The following PLAC1 variants were observed in gnomAD, a reference collection of about 807,000 sequenced individuals.
The protein encoded by PLAC1 is placenta-specific protein 1.
For synonymous variants in PLAC1, 68 were observed against 62.1 expected, an observed-to-expected ratio of 1.09 and a Z score of -0.44; for missense variants, 136 against 163.2, an observed-to-expected ratio of 0.83 and a Z score of 0.91.
intron 1 of PLAC1, among the ~76,000 whole-genome samples, chrX:134,744,159 G>A (rs1352247832): frequency 9.1e-6 from 1 of 110,007 alleles, no homozygotes; most frequent in African/African-American, 3.3e-5. Context: ...GCACATGCCT[G>A]TAATCCCAGC....
chrX:134,600,415 C>A (rs2078082927), intron 2 of PLAC1, among the ~76,000 whole-genome samples: 1 of 112,033 alleles, frequency 8.9e-6, no homozygotes, highest in Admixed American at 9.5e-5. Flanking sequence ...GAGCCACCCA[C>A]CTTGGCCTCC....
At chrX:134,589,971 G>A (rs774982706) in intron 2 of PLAC1, among the ~76,000 whole-genome samples, 11 of 110,347 alleles carry the variant, frequency 1.0e-4, no homozygotes, top group South Asian at 3.9e-4. Context: ...CAAGGTGGGC[G>A]GATCACAAGG....
chrX:134,734,439 G>T (rs1157672812), intron 1 of PLAC1, among the ~76,000 whole-genome samples: 1 of 112,445 alleles, frequency 8.9e-6, no homozygotes, highest in East Asian at 2.8e-4. Context: ...TTAAAATGCA[G>T]GCTTAGTCCC....
chrX:134,760,820 C>T (rs955605624), intron 1 of PLAC1, among the ~76,000 whole-genome samples: 3 of 111,317 alleles, frequency 2.7e-5, no homozygotes, highest in East Asian at 2.8e-4. Context: ...AAGACAGTTA[C>T]GTTGTGCCAG....
chrX:134,761,928 T>C (rs567049227), intron 1 of PLAC1, among the ~76,000 whole-genome samples: 2 of 112,063 alleles, frequency 1.8e-5, no homozygotes, highest in South Asian at 3.7e-4. Context: ...TTGCTAAAAA[T>C]GAACCCATAA....
At chrX:134,725,973 G>T (rs1450626013) in intron 2 of PLAC1, among the ~76,000 whole-genome samples, 2 of 111,407 alleles carry the variant, frequency 1.8e-5, no homozygotes. Context: ...CTCCAGCCTG[G>T]GTGACAGAGT....
chrX:134,624,247 A>G (rs2078224728), intron 1 of PLAC1, among the ~76,000 whole-genome samples: 1 of 112,248 alleles, frequency 8.9e-6, no homozygotes, highest in Non-Finnish European at 1.9e-5. Flanking sequence ...CTTGCATAAC[A>G]GGGATTCCAT....
rs2078757391 is a variant in PLAC1, at chrX:134,756,431, T to C, written n.89+7803A>G. ...TTATATAATAAGCTCCATTTGGAGC[T>C]TATTCTAGGGTACAATGTGAAGTAT... On this transcript the variant is annotated intron_variant and non_coding_transcript_variant, in intron 1 of 2. Transcript: ENST00000466797. 2.7e-5 allele frequency among the ~76,000 whole-genome samples: 3 copies of C among 110,584 alleles called. No individual in the cohort carries two copies. The Admixed American group carries it at 2.9e-4, about 11-fold the overall frequency.
intron 2 of PLAC1, among the ~76,000 whole-genome samples, chrX:134,687,827 T>C (rs1364292679): frequency 1.4e-4 from 2 of 14,339 alleles, no homozygotes; most frequent in African/African-American, 3.1e-4. Context: ...TATATATATA[T>C]ATATATATAT....
At chrX:134,628,888 G>A (rs1481461109) in intron 1 of PLAC1, among the ~76,000 whole-genome samples, 1 of 111,328 alleles carries the variant, frequency 9.0e-6, no homozygotes. Flanking sequence ...GTTAGGTGTG[G>A]ATGGAGTACT....
chrX:134,762,770 C>T (rs1436759264), intron 1 of PLAC1, among the ~76,000 whole-genome samples: 1 of 90,757 alleles, frequency 1.1e-5, no homozygotes, highest in African/African-American at 4.2e-5. Context: ...TGCGGTGAGC[C>T]GAGATCATGC....
chrX:134,763,636 C>G (rs1380385330), intron 1 of PLAC1, among the ~76,000 whole-genome samples: 1 of 110,460 alleles, frequency 9.1e-6, no homozygotes, highest in African/African-American at 3.3e-5. Flanking sequence ...GCCTGGCTAA[C>G]ACGGTGAAAC....
intron 2 of PLAC1, among the ~76,000 whole-genome samples, chrX:134,709,665 T>C (rs1345920469): frequency 9.0e-6 from 1 of 111,063 alleles, no homozygotes; most frequent in Non-Finnish European, 1.9e-5. Flanking sequence ...CAGTGGAATA[T>C]AAAAAGGGCC....
At chrX:134,648,274 T>C (rs180830219) in intron 1 of PLAC1, among the ~76,000 whole-genome samples, 43 of 111,373 alleles carry the variant, frequency 3.9e-4, no homozygotes, top group Non-Finnish European at 6.8e-4. Flanking sequence ...AGGAATAGGA[T>C]GCCTGAGTGA....
Position 134,586,115 on chromosome X carries a change from G to GA in PLAC1, c.-59+15935dup, listed in dbSNP as rs200030286. 7.2e-4 allele frequency among the ~76,000 whole-genome samples: 78 copies of GA among 108,837 alleles called. 1 individual carries two copies. The South Asian group carries it at 0.018, about 26-fold the overall frequency. 94.5% of individuals were successfully genotyped at this position (108,837 alleles called of 115,157 possible). Reference sequence around the variant, plus strand: ...GCATCTAGGATTTGCCCATTTCTGTGAAAAAAAAAATTCTTCCTGACTGTA... The same window carrying GA: ...GCATCTAGGATTTGCCCATTTCTGTGAAAAAAAAAAATTCTTCCTGACTGTA... On this transcript the variant is annotated intron_variant, in intron 2 of 2. Coordinates refer to ENST00000359237, the MANE Select transcript of PLAC1 (RefSeq NM_021796.4).
At chrX:134,724,175 A>T (rs983074360) in intron 2 of PLAC1, among the ~76,000 whole-genome samples, 1 of 112,111 alleles carries the variant, frequency 8.9e-6, no homozygotes, top group Non-Finnish European at 1.9e-5. Flanking sequence ...GAAAAAATAC[A>T]TTAGTGGAAA....
At chrX:134,641,255 CA>C (rs1188238692) in intron 1 of PLAC1, among the ~76,000 whole-genome samples, 1 of 107,518 alleles carries the variant, frequency 9.3e-6, no homozygotes. Flanking sequence ...CCCATCTCTA[CA>C]AAAAAAAAGA....
At chrX:134,653,819 A>T (rs182980360) in intron 1 of PLAC1, among the ~76,000 whole-genome samples, 2 of 112,245 alleles carry the variant, frequency 1.8e-5, no homozygotes. Context: ...GCTGTCTCCC[A>T]AGGTCTGCAA....
At chrX:134,736,189 T>A (rs1427706006) in intron 1 of PLAC1, among the ~76,000 whole-genome samples, 1 of 109,471 alleles carries the variant, frequency 9.1e-6, no homozygotes, top group Non-Finnish European at 1.9e-5. Context: ...GGCAGGAGAA[T>A]CGCTTGAACC....
Sources: gnomAD v4.1 joint callset for allele counts (sites outside exome capture counted in the v4.1 genomes callset) on GRCh38, gnomAD v4.1.1 for gene constraint, MANE v1.5 for transcripts, NCBI Gene and HGNC (gene_info 2026-07-23, HGNC 2026-07-21) for gene names.